SPG21: variants seen among roughly 807,000 people sequenced by gnomAD.
The protein encoded by SPG21 is SPG21 abhydrolase domain containing, maspardin, also known as maspardin.
In SPG21, 26 loss-of-function variants were observed where a neutral mutation model predicts 38.9. The observed-to-expected ratio is 0.67, with a 90% CI of 0.49 to 0.93. The LOEUF (loss-of-function observed/expected upper bound fraction) is 0.93, where lower values mean the gene tolerates loss of function less well. Ranked by LOEUF, SPG21 falls within the 40% of genes least tolerant of loss-of-function variation. The pLI is 0.00. For missense variants in SPG21, 333 were observed against 376.5 expected, an observed-to-expected ratio of 0.88 and a Z score of 0.96; for synonymous variants, 136 against 128.9, an observed-to-expected ratio of 1.05 and a Z score of -0.37.
intron 1 of SPG21, among the ~76,000 whole-genome samples, chr15:64,984,350 G>A (rs200551963): frequency 7.2e-6 from 1 of 139,406 alleles, no homozygotes; most frequent in African/African-American, 2.5e-5. Context: ...AGGAGTTGAT[G>A]TTTTTTTACT....
At chr15:64,972,863 C>CA (rs959117896) in intron 5 of SPG21, among the ~76,000 whole-genome samples, 13 of 131,360 alleles carry the variant, frequency 9.9e-5, no homozygotes, top group Non-Finnish European at 2.2e-4. Context: ...CAAACAACAA[C>CA]AAAAAAAACT....
intron 4 of SPG21, among the ~76,000 whole-genome samples, chr15:64,975,905 G>A (rs181746521): frequency 9.2e-5 from 14 of 152,112 alleles, no homozygotes; most frequent in African/African-American, 3.4e-4. Flanking sequence ...ATCTAGAATA[G>A]GCAAATCCAT....
At chr15:64,971,971 C>G (rs1219554486) in intron 5 of SPG21, among the ~76,000 whole-genome samples, 1 of 152,196 alleles carries the variant, frequency 6.6e-6, no homozygotes, top group Non-Finnish European at 1.5e-5. Flanking sequence ...TGTGACTGGT[C>G]AGATCTTTAC....
rs1220808766 is a variant in SPG21 at position 64,989,287 on chromosome 15, A to G, written c.-25+378T>C. On this transcript the variant is annotated intron_variant, in intron 1 of 8. Transcript: ENST00000204566. The stretch of plus-strand genomic sequence containing the variant: ...CTTAAAAGTTTGCTGAGAAAAAAAA[A>G]AAGAAAGAAAGAAAGAAAGAAATGT... 7 of 152,078 alleles carry G rather than the reference A, an allele frequency of 4.6e-5. No individual in the cohort carries two copies. The East Asian group carries it at 1.4e-3, about 29-fold the overall frequency. The allele number at this position is 152,078 out of a possible 1,614,324, so 9.4% of individuals were successfully genotyped here. A position where few individuals can be genotyped will look rare whatever the true frequency, so the allele number is the denominator to read the frequency against.
chr15:64,973,769 T>G (rs1169447617), intron 5 of SPG21, among the ~76,000 whole-genome samples: 1 of 152,174 alleles, frequency 6.6e-6, no homozygotes, highest in African/African-American at 2.4e-5. Context: ...CATTTCTATC[T>G]TTTGGAAGAA....
Position 64,963,461 on chromosome 15 carries a change from G to A in SPG21, c.*159C>T, listed in dbSNP as rs1043228375. On this transcript the variant is annotated 3_prime_UTR_variant, in exon 9 of 9. Coordinates refer to ENST00000204566, the MANE Select transcript of SPG21 (RefSeq NM_016630.7). ...ACAGTTACACAGGCTTAGTGGAGAT[G>A]CCGCCTGTCATGAAGATGACCATCA... The A allele has an allele frequency of 2.3e-5, 15 of 664,426 alleles. No individual in the cohort carries two copies. The highest frequency in any genetic ancestry group is 9.1e-5 in the Admixed American group (4 of 43,860). The allele number at this position is 664,426 out of a possible 1,614,324, so 41.2% of individuals were successfully genotyped here.
At chr15:64,983,351 T>C (rs1595879752) in intron 2 of SPG21, among the ~76,000 whole-genome samples, 156 bp downstream of exon 2, 1 of 152,228 alleles carries the variant, frequency 6.6e-6, no homozygotes, top group Non-Finnish European at 1.5e-5. Flanking sequence ...TGACTGTACA[T>C]GACAGGGAAG....
At chr15:64,978,510 TA>T (rs2085828078) in intron 3 of SPG21, among the ~76,000 whole-genome samples, 2 of 152,276 alleles carry the variant, frequency 1.3e-5, no homozygotes, top group East Asian at 3.9e-4. Context: ...GCTTACTGTT[TA>T]AGCACTTAGG....
At chr15:64,987,251 C>T (rs1241854030) in intron 1 of SPG21, 2 of 152,252 alleles carry the variant, frequency 1.3e-5, no homozygotes, top group Non-Finnish European at 2.9e-5. Flanking sequence ...AGAGATTCCA[C>T]TCCGCTGTGA....
chr15:64,981,264 G>A, intron 2 of SPG21: 1 of 458,722 alleles, frequency 2.2e-6, no homozygotes. Context: ...AAGGGCTGCT[G>A]CTTCTCTGTT....
intron 1 of SPG21, among the ~76,000 whole-genome samples, chr15:64,984,995 C>G (rs998368145): frequency 6.6e-6 from 1 of 151,998 alleles, no homozygotes; most frequent in Non-Finnish European, 1.5e-5. Flanking sequence ...ATGATCCACC[C>G]GCCTCAGCCT....
chr15:64,963,586 CCGG>C lies in SPG21; in HGVS notation c.*31_*33del. 1 of 1,568,670 alleles carries C rather than the reference CCGG, an allele frequency of 6.4e-7. No homozygotes were observed. The highest frequency in any genetic ancestry group is 8.8e-7 in the Non-Finnish European group (1 of 1,139,988). The stretch of plus-strand genomic sequence containing the variant: ...ATGCCACTGACTATACAAGAACACA[CCGG>C]GTCAACTCATCATTGACAGCGAGAG... On this transcript the variant is annotated 3_prime_UTR_variant, in exon 9 of 9. Transcript: ENST00000204566.
intron 3 of SPG21, among the ~76,000 whole-genome samples, chr15:64,978,120 C>T (rs1459360349): frequency 1.3e-5 from 2 of 151,612 alleles, no homozygotes; most frequent in Non-Finnish European, 2.9e-5. Context: ...CGTGAGCCAC[C>T]GCGCCTGGCC....
At position 64,983,515 on chromosome 15, in the gene SPG21, G is replaced by A. The variant is rs1184698772; in HGVS notation, c.55C>T (p.Leu19Phe). ...AGTAAAACCATACATACCTTTTTAA[G>A]GGGAACTGTACCTCTAAACCAGTTA... ...DYNWFRGTVP[L>F]KKIIVDDDDS... Residue 19 changes from leucine (L) to phenylalanine (F), a missense_variant, in exon 2 of 9, where the codon CTT becomes TTT. Leu to Phe is a conservative substitution (Grantham distance 22). Coordinates refer to ENST00000204566, the MANE Select transcript of SPG21 (RefSeq NM_016630.7). 1 of 1,575,882 alleles carries A rather than the reference G, an allele frequency of 6.3e-7. No individual in the cohort carries two copies. The highest frequency in any genetic ancestry group is 8.6e-7 in the Non-Finnish European group (1 of 1,156,222).
chr15:64,972,954 A>C (rs192142672), intron 5 of SPG21, among the ~76,000 whole-genome samples: 6 of 152,296 alleles, frequency 3.9e-5, no homozygotes, highest in Admixed American at 3.9e-4. Context: ...GATCATACAG[A>C]TGTGTTTACT....
chr15:64,970,311 G>A, intron 5 of SPG21, 89 bp from the exon 6 acceptor site: 3 of 1,161,114 alleles, frequency 2.6e-6, no homozygotes, highest in Non-Finnish European at 3.8e-6. Context: ...ATTAGCTTGG[G>A]ATCTAGAAAT....
At chr15:64,983,891 C>G (rs1054481692) in intron 1 of SPG21, among the ~76,000 whole-genome samples, 6 of 151,324 alleles carry the variant, frequency 4.0e-5, no homozygotes, top group African/African-American at 1.5e-4. Context: ...TCAAGTGATT[C>G]TCCTGCCTCA....
chr15:64,973,405 C>T (rs1319055428), intron 5 of SPG21, among the ~76,000 whole-genome samples: 2 of 151,986 alleles, frequency 1.3e-5, no homozygotes, highest in African/African-American at 2.4e-5. Flanking sequence ...TCCTAGGAAA[C>T]AAGTACCCCA....
chr15:64,989,116 G>A (rs1426342319), intron 1 of SPG21: 2 of 152,106 alleles, frequency 1.3e-5, no homozygotes, highest in African/African-American at 4.8e-5. Context: ...AACGAGAAGA[G>A]GAAAAATGAG....
Sources: gnomAD v4.1 joint callset for allele counts (sites outside exome capture counted in the v4.1 genomes callset) on GRCh38, gnomAD v4.1.1 for gene constraint, MANE v1.5 for transcripts, NCBI Gene and HGNC (gene_info 2026-07-23, HGNC 2026-07-21) for gene names.